MYB: variants seen among roughly 807,000 people sequenced by gnomAD.
The protein encoded by MYB is transcriptional activator Myb.
MYB carries 28 observed loss-of-function variants against 92.9 expected under a neutral mutation model. The ratio of observed to expected loss-of-function variants is 0.30; its 90% confidence interval spans 0.22 to 0.41. The LOEUF is 0.41. Among genes scored for constraint, MYB ranks in the 10% least tolerant of loss-of-function variants. The pLI is 1.00. For missense variants in MYB, 679 were observed against 929.3 expected, an observed-to-expected ratio of 0.73 and a Z score of 3.50; for synonymous variants, 295 against 329.1, an observed-to-expected ratio of 0.90 and a Z score of 1.12.
intron 14 of MYB, chr6:135,202,967 C>CA (rs753687453): frequency 1.7e-5 from 12 of 690,900 alleles, no homozygotes; most frequent in South Asian, 7.5e-5. Context: ...GAGTGCCTAA[C>CA]ACATGCCTAG....
At chr6:135,197,582 T>C (rs947790705) in intron 10 of MYB, among the ~76,000 whole-genome samples, 4 of 152,234 alleles carry the variant, frequency 2.6e-5, no homozygotes, top group African/African-American at 9.6e-5. Flanking sequence ...AAACGTACTT[T>C]TATTTCCTTC....
rs372325628 is a variant in MYB, at chr6:135,182,856, G to A, written c.23+1320G>A. Among the ~76,000 whole-genome samples the A allele has an allele frequency of 2.0e-5, 3 of 152,246 alleles. No homozygotes were observed. Among genetic ancestry groups the A allele is most frequent in the East Asian group, 3.9e-4 (2 of 5,140 alleles). ...TGGGCGGGGAGCAGCGCCGGGGCTT[G>A]GTTGGGCTCTGGGGACGAGAGGGCG... On this transcript the variant is annotated intron_variant, in intron 1 of 15. Coordinates refer to ENST00000341911, the MANE Select transcript of MYB (RefSeq NM_001130173.2). This position sits in a 1 kb window ranked among gnomAD's most constrained non-coding sequence, Gnocchi z 5.6.
chr6:135,213,371 A>G (rs1403965875), intron 15 of MYB, among the ~76,000 whole-genome samples: 1 of 152,208 alleles, frequency 6.6e-6, no homozygotes. Context: ...TTACAAATAT[A>G]TGGTACCTTC....
intron 10 of MYB, among the ~76,000 whole-genome samples, chr6:135,197,596 A>G (rs763019910): frequency 2.6e-5 from 4 of 152,202 alleles, no homozygotes; most frequent in Non-Finnish European, 5.9e-5. Context: ...TTCCTTCAAC[A>G]CTAGAGTTTA....
chr6:135,185,550 C>A (rs2128283605), intron 1 of MYB, among the ~76,000 whole-genome samples: 1 of 152,330 alleles, frequency 6.6e-6, no homozygotes, highest in African/African-American at 2.4e-5. Flanking sequence ...GACATGGGTT[C>A]TTGTTCCTTT....
At chr6:135,205,603 G>A (rs1002488747) in intron 15 of MYB, among the ~76,000 whole-genome samples, 2 of 152,116 alleles carry the variant, frequency 1.3e-5, no homozygotes, top group Admixed American at 6.5e-5. Context: ...GAGTCATATT[G>A]GCACTTTATG....
intron 13 of MYB, 33 bp downstream of exon 13, chr6:135,200,448 G>A (rs1298410719): frequency 6.2e-7 from 1 of 1,613,228 alleles, no homozygotes; most frequent in African/African-American, 1.3e-5. Context: ...GCAACAAGCT[G>A]AGAATCCTGC....
intron 9 of MYB, among the ~76,000 whole-genome samples, chr6:135,196,570 T>C (rs1201337592): frequency 6.6e-6 from 1 of 152,234 alleles, no homozygotes; most frequent in African/African-American, 2.4e-5. Context: ...TCATCTTTCG[T>C]GAAACAAATT....
rs770741732 is a variant in MYB, at chr6:135,193,911, C to G, written c.836C>G (p.Ala279Gly). Residue 279 changes from alanine to glycine, a missense_variant, in exon 7 of 16, where the codon GCC becomes GGC. Ala to Gly is a moderately conservative substitution (Grantham distance 60, BLOSUM62 0). Transcript: ENST00000341911. ...IVNVPQPAAA[A>G]IQRHYNDEDP... is the part of the protein sequence containing the mutation. ...AATGTCCCTCAGCCAGCTGCCGCAG[C>G]CATTCAGGTAAGATCATTGATCATT... 4 of 1,604,136 alleles carry G rather than the reference C, an allele frequency of 2.5e-6. No homozygotes were observed. The South Asian group carries it at 4.4e-5, about 18-fold the overall frequency.
rs1780679669 is a variant in MYB at position 135,217,901 on chromosome 6, A to G, written c.2207A>G (p.Lys736Arg). 1.2e-6 allele frequency: 2 copies of G among 1,613,176 alleles called. No individual in the cohort carries two copies. Among genetic ancestry groups the G allele is most frequent in the Admixed American group, 1.7e-5 (1 of 59,932 alleles). The change falls in exon 16 of 16, where the codon AAG becomes AGG. Residue 736 changes from lysine (K) to arginine (R), a missense_variant. By Grantham distance (26) the Lys-to-Arg change is conservative. Transcript: ENST00000341911. ...ACCTGGGAACCTGCATCCTGTGGAA[A>G]GATGGAGGAGCAGATGACATCTTCC... is the stretch of plus-strand genomic sequence containing the variant. ...SSTWEPASCG[K>R]MEEQMTSSSQ...
intron 1 of MYB, among the ~76,000 whole-genome samples, chr6:135,185,547 G>A (rs145532507): frequency 2.0e-5 from 3 of 152,290 alleles, no homozygotes; most frequent in African/African-American, 7.2e-5. Context: ...AAGGACATGG[G>A]TTCTTGTTCC....
In MYB at chr6:135,190,743, G is replaced by A. The variant is rs1203904492; in HGVS notation, c.527+396G>A. 6.6e-6 allele frequency among the ~76,000 whole-genome samples: 1 copy of A among 152,130 alleles called. No individual in the cohort carries two copies. Among genetic ancestry groups the A allele is most frequent in the African/African-American group, 2.4e-5 (1 of 41,410 alleles). On this transcript the variant is annotated intron_variant, in intron 5 of 15. Coordinates refer to ENST00000341911, the MANE Select transcript of MYB (RefSeq NM_001130173.2). This position sits in a 1 kb window ranked among gnomAD's most constrained non-coding sequence, Gnocchi z 4.5. ...ACGTAGCTGGTTAAGTTACTCAAAG[G>A]AACTCAGCTACCATTTTCCTGATAA...
rs1458733199 is a variant in MYB at position 135,182,214 on chromosome 6, G to A, written c.23+678G>A. On this transcript the variant is annotated intron_variant, in intron 1 of 15. Coordinates refer to ENST00000341911, the MANE Select transcript of MYB (RefSeq NM_001130173.2). This position sits in a 1 kb window ranked among gnomAD's most constrained non-coding sequence, Gnocchi z 5.6. ...ACGCGCACCCACACGCGCCGCCGTC[G>A]CACATGTCACTGCACTTAGGGAGGC... Among the ~76,000 whole-genome samples, 10 of 152,146 alleles carry A rather than the reference G, an allele frequency of 6.6e-5. No individual in the cohort carries two copies. Among genetic ancestry groups the A allele is most frequent in the African/African-American group, 2.2e-4 (9 of 41,410 alleles).
intron 3 of MYB, among the ~76,000 whole-genome samples, chr6:135,188,474 A>G (rs1776210095): frequency 6.9e-6 from 1 of 145,630 alleles, no homozygotes; most frequent in Non-Finnish European, 1.5e-5. Context: ...CCCCACTTGT[A>G]GTTTTCCATT....
chr6:135,196,121 A>G, intron 9 of MYB, 119 bp downstream of exon 9: 1 of 1,056,884 alleles, frequency 9.5e-7, no homozygotes, highest in Non-Finnish European at 1.3e-6. Context: ...ATGTAAAGGT[A>G]GAAGTATGAT....
chr6:135,199,342 A>C (rs1777753434), intron 11 of MYB, among the ~76,000 whole-genome samples: 1 of 152,174 alleles, frequency 6.6e-6, no homozygotes, highest in Admixed American at 6.5e-5. Flanking sequence ...TGTTCCCTCC[A>C]TAAGGCCTTC....
intron 15 of MYB, among the ~76,000 whole-genome samples, chr6:135,207,238 C>T (rs1779069433): frequency 1.3e-5 from 2 of 152,116 alleles, no homozygotes; most frequent in Non-Finnish European, 2.9e-5. Flanking sequence ...GGGATTTTAG[C>T]CAAACCATCT....
chr6:135,196,236 G>GT (rs1372595329), intron 9 of MYB, among the ~76,000 whole-genome samples: 8 of 151,538 alleles, frequency 5.3e-5, no homozygotes, highest in East Asian at 1.9e-4. Flanking sequence ...TGAAGGAAGA[G>GT]TTTTTTTTCA....
rs906815566 is a variant in MYB, at chr6:135,182,147, C to G, written c.23+611C>G. Among the ~76,000 whole-genome samples the G allele has an allele frequency of 6.6e-6, 1 of 152,224 alleles. No individual in the cohort carries two copies. Among genetic ancestry groups the G allele is most frequent in the Non-Finnish European group, 1.5e-5 (1 of 68,034 alleles). On this transcript the variant is annotated intron_variant, in intron 1 of 15. Coordinates refer to ENST00000341911, the MANE Select transcript of MYB (RefSeq NM_001130173.2). This position sits in a 1 kb window ranked among gnomAD's most constrained non-coding sequence, Gnocchi z 5.6. ...AAGACCTGGTTTTGGAGGTTCGAAT[C>G]ATTTTTCTCTGAAAGGCTTTTACTT...
Sources: gnomAD v4.1 joint callset for allele counts (sites outside exome capture counted in the v4.1 genomes callset) on GRCh38, gnomAD v4.1.1 for gene constraint, Gnocchi (gnomAD v3.1) non-coding constraint, MANE v1.5 for transcripts, NCBI Gene and HGNC (gene_info 2026-07-23, HGNC 2026-07-21) for gene names.